Variants in SUSD6 observed in about 807,000 individuals in gnomAD.
SUSD6 encodes sushi domain containing 6, also known as sushi domain-containing protein 6.
A neutral mutation model predicts 28.4 loss-of-function variants in SUSD6; 16 were observed. The observed-to-expected ratio is 0.56, with a 90% confidence interval of 0.38 to 0.86. The LOEUF (loss-of-function observed/expected upper bound fraction) is 0.86, where lower values mean the gene tolerates loss of function less well. Among genes scored for constraint, SUSD6 ranks in the 40% least tolerant of loss-of-function variants. The pLI is 0.00. For synonymous variants in SUSD6, 147 were observed against 159.6 expected (o/e 0.92, Z 0.59); for missense variants, 341 against 384.2 (o/e 0.89, Z 0.94).
At chr14:69,672,240 T>C (rs1335262159) in intron 2 of SUSD6, among the ~76,000 whole-genome samples, 1 of 152,220 alleles carries the variant, frequency 6.6e-6, no homozygotes, top group Non-Finnish European at 1.5e-5. Context: ...ATCTAAAGCT[T>C]GGACTTCTAA....
chr14:69,692,583 G>T (rs1886168450), intron 2 of SUSD6, among the ~76,000 whole-genome samples: 1 of 152,132 alleles, frequency 6.6e-6, no homozygotes, highest in Admixed American at 6.5e-5. Context: ...GGTGATAAAT[G>T]TTAATTCTCT....
At chr14:69,710,838 T>C (rs1045523851) in intron 5 of SUSD6, 116 bp from the exon 6 acceptor site, 9 of 958,810 alleles carry the variant, frequency 9.4e-6, no homozygotes, top group African/African-American at 3.3e-5. Context: ...AGTGGGACAT[T>C]TACTTTCTTT....
At chr14:69,682,879 T>A (rs1455721828) in intron 2 of SUSD6, among the ~76,000 whole-genome samples, 1 of 151,150 alleles carries the variant, frequency 6.6e-6, no homozygotes, top group Non-Finnish European at 1.5e-5. Context: ...TTGCCAAGGA[T>A]GAAAAGCCTG....
chr14:69,621,559 C>T (rs1158287179), intron 1 of SUSD6, among the ~76,000 whole-genome samples: 1 of 152,180 alleles, frequency 6.6e-6, no homozygotes, highest in Non-Finnish European at 1.5e-5. Flanking sequence ...GTCATCCCTG[C>T]TAATTTTTAG....
intron 4 of SUSD6, among the ~76,000 whole-genome samples, chr14:69,708,238 A>G (rs966765110): frequency 1.3e-5 from 2 of 152,190 alleles, no homozygotes; most frequent in African/African-American, 4.8e-5. Context: ...GGTTTTTAGT[A>G]TATTCACAGA....
chr14:69,685,550 CT>C (rs1387619739), intron 2 of SUSD6, among the ~76,000 whole-genome samples: 1 of 152,312 alleles, frequency 6.6e-6, no homozygotes, highest in East Asian at 1.9e-4. Context: ...GGAGGCAGTC[CT>C]GGTCTCTTAG....
At chr14:69,652,940 A>T (rs191249274) in intron 1 of SUSD6, among the ~76,000 whole-genome samples, 10 of 152,250 alleles carry the variant, frequency 6.6e-5, no homozygotes, top group Non-Finnish European at 1.5e-4. Flanking sequence ...AATAAACATA[A>T]GCCCCAGGTG....
At chr14:69,626,362 A>G (rs1885114435) in intron 1 of SUSD6, among the ~76,000 whole-genome samples, 1 of 152,224 alleles carries the variant, frequency 6.6e-6, no homozygotes, top group Admixed American at 6.5e-5. Flanking sequence ...TTAGTGAAAA[A>G]TACAGACAAT....
At chr14:69,650,339 A>C (rs1243722943) in intron 1 of SUSD6, among the ~76,000 whole-genome samples, 2 of 152,168 alleles carry the variant, frequency 1.3e-5, no homozygotes, top group African/African-American at 4.8e-5. Flanking sequence ...ACTGCACAGC[A>C]ACCCAATGAG....
chr14:69,651,477 G>T (rs900245938), intron 1 of SUSD6, among the ~76,000 whole-genome samples: 2 of 152,194 alleles, frequency 1.3e-5, no homozygotes, highest in Non-Finnish European at 2.9e-5. Flanking sequence ...ATTTTAACAG[G>T]AGTTTGATGT....
At chr14:69,647,742 C>T (rs1009243347) in intron 1 of SUSD6, among the ~76,000 whole-genome samples, 2 of 151,858 alleles carry the variant, frequency 1.3e-5, no homozygotes, top group African/African-American at 2.4e-5. Context: ...CCCAGCACTT[C>T]GGGAGGCCAA....
intron 1 of SUSD6, among the ~76,000 whole-genome samples, chr14:69,657,780 A>G (rs1172564343): frequency 3.9e-5 from 6 of 152,104 alleles, no homozygotes; most frequent in Admixed American, 2.6e-4. Flanking sequence ...GCTCTGATAC[A>G]CACACTCTTT....
At chr14:69,703,717 T>C (rs1790776794) in intron 3 of SUSD6, 125 bp downstream of exon 3, 1 of 812,784 alleles carries the variant, frequency 1.2e-6, no homozygotes, top group African/African-American at 1.7e-5. Flanking sequence ...GTTGATGCTC[T>C]GCAGCCTCCC....
chr14:69,690,551 C>CA (rs1183639743), intron 2 of SUSD6, among the ~76,000 whole-genome samples: 1 of 152,070 alleles, frequency 6.6e-6, no homozygotes, highest in Non-Finnish European at 1.5e-5. Context: ...GAGCAAGATG[C>CA]AAAAGTTCAA....
At chr14:69,665,751 T>A (rs900290397) in intron 2 of SUSD6, among the ~76,000 whole-genome samples, 1 of 152,218 alleles carries the variant, frequency 6.6e-6, no homozygotes, top group African/African-American at 2.4e-5. Context: ...ACCTTGTTTT[T>A]TGGAATGACT....
chr14:69,704,033 T>C (rs978864376), intron 3 of SUSD6, among the ~76,000 whole-genome samples: 19 of 152,336 alleles, frequency 1.2e-4, no homozygotes, highest in Non-Finnish European at 2.8e-4. Flanking sequence ...TCCACCTGCT[T>C]GCAGGAAAGT....
intron 2 of SUSD6, among the ~76,000 whole-genome samples, chr14:69,662,276 TG>T (rs1251420721): frequency 6.6e-6 from 1 of 152,206 alleles, no homozygotes; most frequent in Non-Finnish European, 1.5e-5. Context: ...GGGCATCCTC[TG>T]GAGACAATTT....
Position 69,708,785 on chromosome 14 carries a change from G to T in SUSD6, c.567G>T (p.Val189=). 6.2e-7 allele frequency: 1 copy of T among 1,614,184 alleles called. No homozygotes were observed. Among genetic ancestry groups the T allele is most frequent in the Non-Finnish European group, 8.5e-7 (1 of 1,180,026 alleles). Residue 189 remains valine, a synonymous_variant, in exon 5 of 6, where the codon GTG becomes GTT. Transcript: ENST00000342745. ...EAVYGSSGHC[V]PPADPRVQIV... ...TATATGGCAGTTCTGGTCACTGTGT[G>T]CCACCTGCTGACCCCAGAGTACAGA... is the stretch of plus-strand genomic sequence containing the variant.
Position 69,714,944 on chromosome 14 carries a change from A to G in SUSD6, c.*3965A>G, listed in dbSNP as rs1196513236. Reference sequence around the variant, plus strand: ...TAATGGTTTAAAACAACACATTCATAATTGACTCTGTGCAGGATGTCACTC... The same window carrying G: ...TAATGGTTTAAAACAACACATTCATGATTGACTCTGTGCAGGATGTCACTC... On this transcript the variant is annotated 3_prime_UTR_variant, in exon 6 of 6. Coordinates refer to ENST00000342745, the MANE Select transcript of SUSD6 (RefSeq NM_014734.4). 1.3e-5 allele frequency: 2 copies of G among 152,204 alleles called. No homozygotes were observed. The highest frequency in any genetic ancestry group is 2.9e-5 in the Non-Finnish European group (2 of 68,046). The allele number at this position is 152,204 out of a possible 1,614,324, so 9.4% of individuals were successfully genotyped here. A position where few individuals can be genotyped will look rare whatever the true frequency, so the allele number is the denominator to read the frequency against.
Sources: allele counts gnomAD v4.1 joint callset (sites outside exome capture counted in the v4.1 genomes callset), GRCh38; gene constraint gnomAD v4.1.1; transcripts MANE v1.5; gene names NCBI Gene and HGNC (gene_info 2026-07-23, HGNC 2026-07-21).